Variants in NEK10 observed in about 807,000 individuals in gnomAD.
The protein encoded by NEK10 is NIMA related kinase 10.
A neutral mutation model predicts 159.8 loss-of-function variants in NEK10; 122 were observed. The observed-to-expected ratio is 0.76, with a 90% confidence interval of 0.66 to 0.89. NEK10 has a LOEUF of 0.89. Among genes scored for constraint, NEK10 ranks in the 40% least tolerant of loss-of-function variants. NEK10 has a pLI of 0.00. For missense variants in NEK10, 1,342 were observed against 1,323.1 expected, an observed-to-expected ratio of 1.01 and a Z score of -0.22; for synonymous variants, 466 against 457.1, an observed-to-expected ratio of 1.02 and a Z score of -0.25.
chr3:27,315,831 C>T (rs1363562553), intron 6 of NEK10, among the ~76,000 whole-genome samples: 3 of 152,296 alleles, frequency 2.0e-5, no homozygotes, highest in Admixed American at 2.0e-4. Flanking sequence ...CACCTCATTC[C>T]TGCTGAGAGG....
At chr3:27,231,103 T>C (rs1167911907) in intron 23 of NEK10, among the ~76,000 whole-genome samples, 2 of 151,956 alleles carry the variant, frequency 1.3e-5, no homozygotes, top group Non-Finnish European at 2.9e-5. Flanking sequence ...AGATGGACCA[T>C]ATGATAGGCC....
At chr3:27,204,305 T>TCTTTG (rs1305478795) in intron 23 of NEK10, among the ~76,000 whole-genome samples, 1 of 113,436 alleles carries the variant, frequency 8.8e-6, no homozygotes, top group Non-Finnish European at 1.8e-5. Flanking sequence ...GTTGTTGTTT[T>TCTTTG]TTTTTTTTTT....
At chr3:27,313,720 TTTG>T (rs2044905217) in intron 7 of NEK10, among the ~76,000 whole-genome samples, 2 of 152,054 alleles carry the variant, frequency 1.3e-5, no homozygotes. Flanking sequence ...CATCGCCCCT[TTTG>T]TTGTTGTGAG....
chr3:27,354,906 T>C (rs553764533), intron 1 of NEK10, among the ~76,000 whole-genome samples: 1 of 152,192 alleles, frequency 6.6e-6, no homozygotes, highest in Non-Finnish European at 1.5e-5. Context: ...CACTCCTCTC[T>C]TGTGGTAGTG....
intron 35 of NEK10, among the ~76,000 whole-genome samples, chr3:27,114,286 C>A (rs1486440310): frequency 6.6e-6 from 1 of 152,144 alleles, no homozygotes; most frequent in Non-Finnish European, 1.5e-5. Context: ...TTTCCTAATG[C>A]ATATACTCAG....
intron 23 of NEK10, chr3:27,215,602 A>C: frequency 2.2e-6 from 1 of 459,976 alleles, no homozygotes; most frequent in Non-Finnish European, 3.8e-6. Flanking sequence ...AAGGTAAACA[A>C]AGCTGAAATA....
intron 26 of NEK10, among the ~76,000 whole-genome samples, chr3:27,191,648 A>G (rs970672791): frequency 3.9e-5 from 6 of 152,228 alleles, no homozygotes; most frequent in African/African-American, 1.4e-4. Flanking sequence ...TTTTAAAGGC[A>G]AATGTTATTT....
intron 23 of NEK10, among the ~76,000 whole-genome samples, chr3:27,250,141 A>G (rs1025303981): frequency 2.6e-5 from 4 of 151,708 alleles, no homozygotes; most frequent in African/African-American, 7.3e-5. Context: ...AGTAGTTTAT[A>G]TACCACAATT....
At chr3:27,158,250 T>C (rs1945690429) in intron 30 of NEK10, among the ~76,000 whole-genome samples, 1 of 152,188 alleles carries the variant, frequency 6.6e-6, no homozygotes, top group South Asian at 2.1e-4. Flanking sequence ...TTATATAGTA[T>C]AGACTAGTAT....
At chr3:27,160,203 C>T (rs1196004261) in intron 30 of NEK10, among the ~76,000 whole-genome samples, 4 of 152,120 alleles carry the variant, frequency 2.6e-5, no homozygotes. Flanking sequence ...ACTGACAGGA[C>T]CAACAACGTC....
At chr3:27,345,486 A>C (rs920356041) in intron 4 of NEK10, among the ~76,000 whole-genome samples, 29 of 152,224 alleles carry the variant, frequency 1.9e-4, no homozygotes, top group Non-Finnish European at 8.8e-5. Flanking sequence ...ATTCATATTG[A>C]TATTTCATGC....
At chr3:27,157,975 T>A (rs187767413) in intron 30 of NEK10, among the ~76,000 whole-genome samples, 1 of 152,208 alleles carries the variant, frequency 6.6e-6, no homozygotes, top group South Asian at 2.1e-4. Flanking sequence ...TTATAGTATA[T>A]ATATTTTTAG....
At chr3:27,174,318 T>C (rs1947295207) in intron 28 of NEK10, 121 bp downstream of exon 28, 1 of 1,505,028 alleles carries the variant, frequency 6.6e-7, no homozygotes, top group South Asian at 1.2e-5. Flanking sequence ...TAATTAGCAC[T>C]GCACCTGAAA....
chr3:27,179,973 C>T (rs181640917), intron 26 of NEK10, among the ~76,000 whole-genome samples: 143 of 151,954 alleles, frequency 9.4e-4, no homozygotes, highest in African/African-American at 3.2e-3. Flanking sequence ...CCCAGGTACT[C>T]GCAAGGCTGA....
intron 26 of NEK10, among the ~76,000 whole-genome samples, chr3:27,176,162 T>C (rs949098627): frequency 8.5e-5 from 13 of 152,206 alleles, no homozygotes; most frequent in African/African-American, 2.9e-4. Context: ...CAAAAAACAT[T>C]TGTGCATTGC....
In NEK10 at chr3:27,272,175, C is replaced by G. The variant is rs540116319; in HGVS notation, c.2014+12427G>C. 7.2e-5 allele frequency among the ~76,000 whole-genome samples: 11 copies of G among 152,322 alleles called. No individual in the cohort carries two copies. In the East Asian group the frequency reaches 1.9e-3, roughly 27 times the overall value. ...CAGCTGTTCACAACCTTTCACCCATCACATATGTGTCAGTGACTTCCAAAT... is the reference window on the plus strand; with the variant it reads ...CAGCTGTTCACAACCTTTCACCCATGACATATGTGTCAGTGACTTCCAAAT... On this transcript the variant is annotated intron_variant, in intron 22 of 35. Coordinates refer to ENST00000691995, the MANE Select transcript of NEK10 (RefSeq NM_001394966.1).
At position 27,301,760 on chromosome 3, in the gene NEK10, C is replaced by T; in HGVS notation, c.1104G>A (p.Gln368=). ...SSANAAGRIQ[Q]LHLSEDLSPR... Reference sequence around the variant, plus strand: ...GGCTCAAGTCTTCTGATAAATGAAGCTGCTGGATTCGGCCTGCAGCATTTG... The same window carrying T: ...GGCTCAAGTCTTCTGATAAATGAAGTTGCTGGATTCGGCCTGCAGCATTTG... The change falls in exon 13 of 36, where the codon CAG becomes CAA. Residue 368 remains glutamine (Q), a synonymous_variant. Transcript: ENST00000691995. The T allele has an allele frequency of 6.4e-7, 1 of 1,570,060 alleles. No individual in the cohort carries two copies. Among genetic ancestry groups the T allele is most frequent in the Non-Finnish European group, 8.7e-7 (1 of 1,155,738 alleles).
intron 6 of NEK10, 127 bp from the exon 7 acceptor site, chr3:27,314,465 T>C (rs576984872): frequency 3.1e-6 from 2 of 654,174 alleles, no homozygotes; most frequent in Non-Finnish European, 5.5e-6. Flanking sequence ...CATTCTAATA[T>C]AAATACGGAA....
intron 11 of NEK10, among the ~76,000 whole-genome samples, chr3:27,307,436 G>A (rs527284892): frequency 6.6e-6 from 1 of 152,106 alleles, no homozygotes; most frequent in Non-Finnish European, 1.5e-5. Context: ...ATCATAGCAG[G>A]TGATCACAAA....
Sources: allele counts gnomAD v4.1 joint callset (sites outside exome capture counted in the v4.1 genomes callset), GRCh38; gene constraint gnomAD v4.1.1; transcripts MANE v1.5; gene names NCBI Gene and HGNC (gene_info 2026-07-23, HGNC 2026-07-21).